Variants in CASK observed in about 807,000 individuals in gnomAD.
CASK encodes calcium/calmodulin dependent serine protein kinase, also known as peripheral plasma membrane protein CASK.
In CASK, 4 loss-of-function variants were observed where a neutral mutation model predicts 82.9. That is an observed-to-expected ratio of 0.05 (90% CI 0.02 to 0.11). The LOEUF (loss-of-function observed/expected upper bound fraction) is 0.11. Among genes scored for constraint, CASK ranks in the 10% least tolerant of loss-of-function variants. CASK has a pLI of 1.00. For synonymous variants in CASK, 259 were observed against 253.5 expected, an observed-to-expected ratio of 1.02 and a Z score of -0.20; for missense variants, 358 against 720.9, an observed-to-expected ratio of 0.50 and a Z score of 5.76.
At chrX:41,810,770 T>G (rs2070258163) in intron 2 of CASK, among the ~76,000 whole-genome samples, 1 of 111,842 alleles carries the variant, frequency 8.9e-6, no homozygotes, top group African/African-American at 3.3e-5. Context: ...ACGCTCCAAT[T>G]AAAAGACACA....
chrX:41,559,003 A>G (rs2065192627), intron 18 of CASK: 1 of 112,084 alleles, frequency 8.9e-6, no homozygotes, highest in African/African-American at 3.2e-5. Context: ...ACAAGCTTCA[A>G]TAAATAACAC....
intron 3 of CASK, among the ~76,000 whole-genome samples, chrX:41,758,545 C>A (rs1473587242): frequency 9.1e-6 from 1 of 109,953 alleles, no homozygotes; most frequent in African/African-American, 3.3e-5. Context: ...GTGGTGACTA[C>A]ATGGTAGTTA....
intron 3 of CASK, among the ~76,000 whole-genome samples, chrX:41,747,684 G>A (rs1454081227): frequency 3.6e-5 from 4 of 111,813 alleles, no homozygotes; most frequent in Admixed American, 9.5e-5. Context: ...CTCGTGATCC[G>A]CCCGCCTTGG....
At chrX:41,672,887 G>A (rs181236788) in intron 5 of CASK, among the ~76,000 whole-genome samples, 107 of 112,336 alleles carry the variant, frequency 9.5e-4, no homozygotes, top group Non-Finnish European at 1.4e-3. Flanking sequence ...AACCTCTACC[G>A]AAATCAACTG....
At chrX:41,812,738 C>A (rs946428285) in intron 2 of CASK, among the ~76,000 whole-genome samples, 2 of 111,132 alleles carry the variant, frequency 1.8e-5, no homozygotes, top group African/African-American at 6.6e-5. Flanking sequence ...AAGTTCTGGC[C>A]AGGGTAATCA....
intron 12 of CASK, among the ~76,000 whole-genome samples, chrX:41,593,180 A>G (rs2065771637): frequency 9.0e-6 from 1 of 111,420 alleles, no homozygotes; most frequent in Non-Finnish European, 1.9e-5. Context: ...TGCTTCTTCT[A>G]AAAACTGCAG....
At chrX:41,900,619 G>T (rs1459959933) in intron 1 of CASK, among the ~76,000 whole-genome samples, 2 of 78,325 alleles carry the variant, frequency 2.6e-5, no homozygotes, top group Non-Finnish European at 5.1e-5. Context: ...TTTTTTTTGA[G>T]GTTTCCTTGT....
At chrX:41,767,440 T>C (rs1034261064) in intron 3 of CASK, among the ~76,000 whole-genome samples, 1 of 111,847 alleles carries the variant, frequency 8.9e-6, no homozygotes, top group East Asian at 2.8e-4. Flanking sequence ...TCTAGTGTTA[T>C]CATCTTAGGT....
chrX:41,559,133 G>A (rs1048745631), intron 18 of CASK: 1 of 112,279 alleles, frequency 8.9e-6, no homozygotes, highest in African/African-American at 3.2e-5. Context: ...AATAATATAG[G>A]TTGGAAGAAC....
intron 2 of CASK, among the ~76,000 whole-genome samples, chrX:41,788,684 T>C (rs1321202845): frequency 1.8e-5 from 2 of 110,973 alleles, no homozygotes; most frequent in Non-Finnish European, 3.8e-5. Flanking sequence ...ATCAATAATA[T>C]TAAGAAAATC....
chrX:41,784,289 CAA>C (rs200142269), intron 3 of CASK, among the ~76,000 whole-genome samples: 1 of 111,505 alleles, frequency 9.0e-6, no homozygotes, highest in East Asian at 2.8e-4. Flanking sequence ...GAAAGCAAAA[CAA>C]AGAGAGTTTG....
chrX:41,738,563 T>C (rs993633947), intron 5 of CASK, among the ~76,000 whole-genome samples: 5 of 112,689 alleles, frequency 4.4e-5, no homozygotes, highest in Non-Finnish European at 9.4e-5. Context: ...CTTAATTTTC[T>C]TAATCATTTA....
intron 26 of CASK, among the ~76,000 whole-genome samples, chrX:41,522,726 C>T (rs1439334663): frequency 8.9e-6 from 1 of 112,094 alleles, no homozygotes; most frequent in Non-Finnish European, 1.9e-5. Flanking sequence ...AAATTTATGG[C>T]TGAAAGTATC....
intron 2 of CASK, among the ~76,000 whole-genome samples, chrX:41,823,461 T>G (rs1020187354): frequency 1.8e-5 from 2 of 110,858 alleles, no homozygotes; most frequent in African/African-American, 6.6e-5. Flanking sequence ...CTCTTCTCAG[T>G]CTAGCCATTT....
At position 41,550,622 on chromosome X, in the gene CASK, C is replaced by T. The variant is rs187735368; in HGVS notation, c.2039+3097G>A. 5.0e-4 allele frequency among the ~76,000 whole-genome samples: 54 copies of T among 108,972 alleles called. 1 individual carries two copies. Among genetic ancestry groups the T allele is most frequent in the African/African-American group, 1.7e-3 (51 of 29,830 alleles). 94.6% of individuals were successfully genotyped at this position (108,972 alleles called of 115,157 possible). On this transcript the variant is annotated intron_variant, in intron 21 of 26. Coordinates refer to ENST00000378163, the MANE Select transcript of CASK (RefSeq NM_001367721.1). ...TTGATTTTTAAAAACCTGGGCTAGG[C>T]GTGGTAGCTCACACTTGTAATCCCA... is the stretch of plus-strand genomic sequence containing the variant.
At chrX:41,889,147 A>G (rs2072115342) in intron 1 of CASK, among the ~76,000 whole-genome samples, 1 of 102,983 alleles carries the variant, frequency 9.7e-6, no homozygotes, top group South Asian at 4.4e-4. Flanking sequence ...TGAAGAATGC[A>G]GTTGCTATCC....
At chrX:41,819,761 C>T (rs1357535170) in intron 2 of CASK, among the ~76,000 whole-genome samples, 4 of 111,453 alleles carry the variant, frequency 3.6e-5, no homozygotes, top group African/African-American at 1.3e-4. Flanking sequence ...GGGTTTATCC[C>T]AGGAATGCAA....
chrX:41,681,150 A>G (rs1477797681), intron 5 of CASK, among the ~76,000 whole-genome samples: 2 of 111,697 alleles, frequency 1.8e-5, no homozygotes. Flanking sequence ...GTTGCCTAGA[A>G]CTATTTTAAA....
At chrX:41,854,218 G>GCA (rs1569469354) in intron 1 of CASK, among the ~76,000 whole-genome samples, 7 of 48,597 alleles carry the variant, frequency 1.4e-4, no homozygotes, top group Non-Finnish European at 1.8e-4. Context: ...GCGCGCGCGG[G>GCA]CGCGCGCACA....
Sources: allele counts gnomAD v4.1 joint callset (sites outside exome capture counted in the v4.1 genomes callset), GRCh38; gene constraint gnomAD v4.1.1; transcripts MANE v1.5; gene names NCBI Gene and HGNC (gene_info 2026-07-23, HGNC 2026-07-21).